Variants in RAD51 observed in about 807,000 individuals in gnomAD.
The protein encoded by RAD51 is RAD51 recombinase.
RAD51 carries 14 observed loss-of-function variants against 41.5 expected under a neutral mutation model. The ratio of observed to expected loss-of-function variants is 0.34; its 90% CI spans 0.22 to 0.53. The LOEUF (loss-of-function observed/expected upper bound fraction) is 0.53. RAD51 is among the 20% of genes least tolerant of loss of function. The pLI, the probability that RAD51 is intolerant of heterozygous loss-of-function variation, is 0.95. For missense variants in RAD51, 234 were observed against 422.0 expected (o/e 0.55, Z 3.90); for synonymous variants, 136 against 148.6 (o/e 0.92, Z 0.62).
rs1595969783 is a variant in RAD51, at chr15:40,695,444, G to A, written c.-3+19G>A. ...GACCGAGGTGAGTGTGTGAGGCGCA[G>A]GCTGGGCCCTCCAGAGCCGCGGCTC... is the stretch of plus-strand genomic sequence containing the variant. On this transcript the variant is annotated intron_variant, in intron 1 of 9. Coordinates refer to ENST00000267868, the MANE Select transcript of RAD51 (RefSeq NM_002875.5). 6.6e-6 allele frequency: 1 copy of A among 152,392 alleles called. No homozygotes were observed. Among genetic ancestry groups the A allele is most frequent in the Admixed American group, 6.5e-5 (1 of 15,286 alleles). 9.4% of individuals were successfully genotyped at this position (152,392 alleles called of 1,614,324 possible).
chr15:40,710,259 AAAAAAAAAAAAG>A (rs1895621919), intron 5 of RAD51, among the ~76,000 whole-genome samples: 1 of 145,824 alleles, frequency 6.9e-6, no homozygotes. Flanking sequence ...AAAAAAAAAA[AAAAAAAAAAAAG>A]AAGAAGAAAA....
At chr15:40,730,070 T>C in intron 9 of RAD51, 96 bp downstream of exon 9, 1 of 1,489,890 alleles carries the variant, frequency 6.7e-7, no homozygotes, top group Non-Finnish European at 9.2e-7. Flanking sequence ...CTGTTAAAGC[T>C]ACTGTTGTAT....
At chr15:40,718,474 C>T (rs1355682043) in intron 5 of RAD51, among the ~76,000 whole-genome samples, 7 of 149,504 alleles carry the variant, frequency 4.7e-5, no homozygotes, top group Middle Eastern at 3.5e-3. Flanking sequence ...ACCGAGATAA[C>T]GCCACTGCAC....
At chr15:40,725,383 C>G (rs889093301) in intron 6 of RAD51, among the ~76,000 whole-genome samples, 11 of 152,114 alleles carry the variant, frequency 7.2e-5, no homozygotes, top group Middle Eastern at 3.2e-3. Flanking sequence ...TTAATCAGGT[C>G]TCTTTATCAA....
chr15:40,700,377 A>T (rs1350760782), intron 2 of RAD51, among the ~76,000 whole-genome samples: 2 of 152,238 alleles, frequency 1.3e-5, no homozygotes, highest in Admixed American at 1.3e-4. Context: ...GTTCAACAAA[A>T]AGTATTGACA....
chr15:40,710,269 A>AAAAAAAAAG (rs1555427504), intron 5 of RAD51, among the ~76,000 whole-genome samples: 2 of 104,362 alleles, frequency 1.9e-5, no homozygotes, highest in African/African-American at 4.3e-5. Flanking sequence ...AAAAAAAAAA[A>AAAAAAAAAG]AGAAGAAGAA....
At chr15:40,697,040 T>C (rs574114077) in intron 1 of RAD51, among the ~76,000 whole-genome samples, 16 of 152,378 alleles carry the variant, frequency 1.1e-4, no homozygotes, top group Admixed American at 8.5e-4. Context: ...CTTGTCACTC[T>C]CTTAGTGGTG....
chr15:40,701,298 T>C, intron 3 of RAD51, 97 bp downstream of exon 3: 2 of 1,357,700 alleles, frequency 1.5e-6, no homozygotes, highest in East Asian at 4.6e-5. Flanking sequence ...TATTCTTCGG[T>C]CATCTCATTA....
At chr15:40,697,902 G>C (rs1894750323) in intron 1 of RAD51, among the ~76,000 whole-genome samples, 1 of 152,280 alleles carries the variant, frequency 6.6e-6, no homozygotes, top group Non-Finnish European at 1.5e-5. Flanking sequence ...GATCAAATCA[G>C]GGTAATCAGC....
chr15:40,713,165 A>C (rs1895796946), intron 5 of RAD51, among the ~76,000 whole-genome samples: 1 of 150,850 alleles, frequency 6.6e-6, no homozygotes, highest in African/African-American at 2.4e-5. Flanking sequence ...TACAGGAGTG[A>C]GCCACCGTGC....
chr15:40,696,913 T>A (rs1894675168), intron 1 of RAD51, among the ~76,000 whole-genome samples: 1 of 152,224 alleles, frequency 6.6e-6, no homozygotes, highest in Non-Finnish European at 1.5e-5. Flanking sequence ...GATGTGCTTG[T>A]TCAAATCTCT....
intron 1 of RAD51, among the ~76,000 whole-genome samples, chr15:40,696,143 G>T (rs1381118580): frequency 3.3e-5 from 5 of 152,120 alleles, no homozygotes; most frequent in Non-Finnish European, 5.9e-5. Context: ...CTCCCAAAGT[G>T]CTGGGATTAC....
chr15:40,729,498 C>G lies in RAD51; in HGVS notation c.645-7C>G, dbSNP rs201220585. On this transcript the variant is annotated splice_polypyrimidine_tract_variant and splice_region_variant and intron_variant, in intron 7 of 9. Transcript: ENST00000267868. The stretch of plus-strand genomic sequence containing the variant: ...AATAGGCTTCAGAGAATCCTTGTTT[C>G]CTGTAGGTATGCACTGCTTATTGTA... The G allele has an allele frequency of 1.2e-4, 199 of 1,612,780 alleles. 2 individuals carry two copies. The East Asian group carries it at 4.4e-3, about 36-fold the overall frequency.
At chr15:40,695,140 G>C (rs572147775), upstream of RAD51, 1 of 152,378 alleles carries the variant, frequency 6.6e-6, no homozygotes, top group Admixed American at 6.5e-5. Context: ...TTACGTCGAC[G>C]CGGGCGTGAC....
Position 40,721,309 on chromosome 15 carries a change from G to T in RAD51, c.530+2410G>T, listed in dbSNP as rs1427201074. On this transcript the variant is annotated intron_variant, in intron 6 of 9. Transcript: ENST00000267868. ...TATTTATGGAACATAACGTGGAAATGCAAAGGACCCAGAATAGCCGAAATG... is the reference window on the plus strand; with the variant it reads ...TATTTATGGAACATAACGTGGAAATTCAAAGGACCCAGAATAGCCGAAATG... Among the ~76,000 whole-genome samples the T allele has an allele frequency of 3.9e-5, 6 of 152,198 alleles. No individual in the cohort carries two copies. The South Asian group carries it at 1.2e-3, about 32-fold the overall frequency.
chr15:40,722,461 A>G (rs1896329961), intron 6 of RAD51, among the ~76,000 whole-genome samples: 1 of 151,622 alleles, frequency 6.6e-6, no homozygotes. Context: ...TTCCACTAAC[A>G]TGTGGTACTT....
rs199925463 is a variant in RAD51, at chr15:40,729,620, C to A, written c.760C>A (p.Arg254=). The A allele has an allele frequency of 1.5e-5, 25 of 1,613,802 alleles. No individual in the cohort carries two copies. The highest frequency in any genetic ancestry group is 4.0e-5 in the African/African-American group (3 of 74,900). The stretch of plus-strand genomic sequence containing the variant: ...GGCCAGGTTTCTGCGGATGCTTCTG[C>A]GACTCGCTGATGAGGTAAGTTGTGG... ...HLARFLRMLL[R]LADEFGVAVV... Residue 254 remains arginine, a synonymous_variant, in exon 8 of 10, where the codon CGA becomes AGA. Coordinates refer to ENST00000267868, the MANE Select transcript of RAD51 (RefSeq NM_002875.5).
At chr15:40,711,935 C>T (rs542131253) in intron 5 of RAD51, among the ~76,000 whole-genome samples, 1 of 151,748 alleles carries the variant, frequency 6.6e-6, no homozygotes, top group Non-Finnish European at 1.5e-5. Flanking sequence ...ATTAGCCAGA[C>T]GTGGGCTGTG....
Position 40,729,840 on chromosome 15 carries a change from C to T in RAD51, c.775-13C>T, listed in dbSNP as rs1596027393. 1 of 1,614,180 alleles carries T rather than the reference C, an allele frequency of 6.2e-7. No homozygotes were observed. The highest frequency in any genetic ancestry group is 1.6e-4 in the Middle Eastern group (1 of 6,062). ...TATGGCCACAAAATTGACATTTATC[C>T]TTTCCCCATCAGTTTGGTGTAGCAG... On this transcript the variant is annotated splice_polypyrimidine_tract_variant and intron_variant, in intron 8 of 9. Transcript: ENST00000267868.
Sources: gnomAD v4.1 joint callset for allele counts (sites outside exome capture counted in the v4.1 genomes callset) on GRCh38, gnomAD v4.1.1 for gene constraint, MANE v1.5 for transcripts, NCBI Gene and HGNC (gene_info 2026-07-23, HGNC 2026-07-21) for gene names.